Variants in SPIRE1 observed in about 807,000 individuals in gnomAD.
SPIRE1 encodes spire type actin nucleation factor 1, also known as protein spire homolog 1.
A neutral mutation model predicts 94.1 loss-of-function variants in SPIRE1; 40 were observed. The observed-to-expected ratio is 0.43, with a 90% CI of 0.33 to 0.55. The LOEUF (loss-of-function observed/expected upper bound fraction) is 0.55. SPIRE1 is among the 20% of genes least tolerant of loss of function. SPIRE1 has a pLI of 0.06. For synonymous variants in SPIRE1, 376 were observed against 371.7 expected (o/e 1.01, Z -0.13); for missense variants, 838 against 975.2 (o/e 0.86, Z 1.87).
intron 11 of SPIRE1, among the ~76,000 whole-genome samples, chr18:12,464,315 CT>C (rs1269417180): frequency 2.0e-5 from 3 of 152,098 alleles, no homozygotes; most frequent in African/African-American, 4.8e-5. Flanking sequence ...AATAAAACTA[CT>C]TAAAGAATTT....
At position 12,468,279 on chromosome 18, in the gene SPIRE1, G is replaced by A. The variant is rs116306135; in HGVS notation, c.1405-3321C>T. ...CATCTGTATCTGAAGAGGTGGAGCC[G>A]GAGCACACTACTGCAGCCCAGCACT... On this transcript the variant is annotated intron_variant, in intron 10 of 16. Coordinates refer to ENST00000409402, the MANE Select transcript of SPIRE1 (RefSeq NM_001128626.2). 2.5e-3 allele frequency among the ~76,000 whole-genome samples: 380 copies of A among 152,230 alleles called. 4 individuals are homozygous for A. The highest frequency in any genetic ancestry group is 8.8e-3 in the African/African-American group (364 of 41,528).
At chr18:12,615,345 A>AAAAAAAAAAT in intron 2 of SPIRE1, among the ~76,000 whole-genome samples, 22 of 17,240 alleles carry the variant, frequency 1.3e-3, no homozygotes, top group African/African-American at 2.5e-3. Context: ...AAAAAAAAAA[A>AAAAAAAAAAT]ATATATATAT....
At chr18:12,602,117 T>A (rs2036850953) in intron 2 of SPIRE1, among the ~76,000 whole-genome samples, 20 of 152,130 alleles carry the variant, frequency 1.3e-4, no homozygotes, top group Admixed American at 1.3e-3. Flanking sequence ...CATAGACATA[T>A]ATAGACATAT....
At chr18:12,515,680 T>C (rs1460282273) in intron 4 of SPIRE1, among the ~76,000 whole-genome samples, 2 of 152,186 alleles carry the variant, frequency 1.3e-5, no homozygotes, top group African/African-American at 4.8e-5. Flanking sequence ...TTAACCCTCC[T>C]CAGGAACTGC....
chr18:12,458,893 T>A (rs897543329), intron 12 of SPIRE1, among the ~76,000 whole-genome samples: 7 of 152,174 alleles, frequency 4.6e-5, no homozygotes, highest in Admixed American at 4.6e-4. Flanking sequence ...TTATTTACAT[T>A]GAGTCTCCTT....
intron 2 of SPIRE1, among the ~76,000 whole-genome samples, chr18:12,549,439 G>GGTTTTTTTTT (rs2035275774): frequency 9.7e-5 from 4 of 41,248 alleles, no homozygotes; most frequent in African/African-American, 1.2e-4. Context: ...TGTTATTGTT[G>GGTTTTTTTTT]TTTTTTTTTT....
intron 7 of SPIRE1, among the ~76,000 whole-genome samples, chr18:12,494,838 C>CAAAAAAAAA (rs71172091): frequency 3.1e-5 from 1 of 32,020 alleles, no homozygotes; most frequent in Non-Finnish European, 5.2e-5. Flanking sequence ...GACTCCATCT[C>CAAAAAAAAA]AAAAAAAAAA....
intron 10 of SPIRE1, among the ~76,000 whole-genome samples, chr18:12,478,279 G>A (rs551971711): frequency 1.3e-5 from 2 of 151,982 alleles, no homozygotes; most frequent in Admixed American, 6.6e-5. Flanking sequence ...GTGCATGTGT[G>A]TAGCTAGGGT....
upstream of SPIRE1, chr18:12,658,615 C>T: frequency 2.1e-6 from 1 of 470,512 alleles, no homozygotes; most frequent in South Asian, 1.6e-5. Flanking sequence ...TTGAACCCGC[C>T]TGGAGCGGAT....
intron 2 of SPIRE1, among the ~76,000 whole-genome samples, chr18:12,554,293 G>A (rs1353161826): frequency 2.9e-5 from 3 of 102,468 alleles, no homozygotes; most frequent in Non-Finnish European, 5.6e-5. Context: ...GCAAGACTCT[G>A]TTCAAAAAAA....
intron 2 of SPIRE1, among the ~76,000 whole-genome samples, chr18:12,598,414 T>C (rs945454597): frequency 3.3e-5 from 5 of 152,190 alleles, no homozygotes; most frequent in African/African-American, 1.2e-4. Context: ...TCTGGCAGTA[T>C]CTGTCCTAAC....
upstream of SPIRE1, among the ~76,000 whole-genome samples, chr18:12,661,127 G>A (rs908183704): frequency 2.0e-5 from 3 of 152,048 alleles, no homozygotes; most frequent in African/African-American, 4.8e-5. Context: ...GGCCAACATG[G>A]CAAAAACCTG....
chr18:12,535,704 C>A (rs187425948), intron 3 of SPIRE1, 103 bp from the exon 4 acceptor site: 4 of 1,097,176 alleles, frequency 3.6e-6, no homozygotes, highest in Non-Finnish European at 5.2e-6. Context: ...CGCCTGTAAT[C>A]CCAGCACTTT....
intron 4 of SPIRE1, among the ~76,000 whole-genome samples, chr18:12,513,944 A>G (rs1318530099): frequency 6.6e-6 from 1 of 152,184 alleles, no homozygotes; most frequent in Non-Finnish European, 1.5e-5. Flanking sequence ...CTGGGGCTCC[A>G]GTAATTCTCC....
chr18:12,508,685 T>C (rs557180934), intron 5 of SPIRE1, among the ~76,000 whole-genome samples: 79 of 152,184 alleles, frequency 5.2e-4, no homozygotes, highest in Middle Eastern at 6.8e-3. Flanking sequence ...GTTTTTTTTT[T>C]TTTTTGAGAC....
chr18:12,518,690 CAAAACAAAAACA>C lies in SPIRE1; in HGVS notation c.730-6171_730-6160del, dbSNP rs532892954. On this transcript the variant is annotated intron_variant, in intron 4 of 16. Coordinates refer to ENST00000409402, the MANE Select transcript of SPIRE1 (RefSeq NM_001128626.2). ...TAGGTGACAGAGCCTGACCCTGTCT[CAAAACAAAAACA>C]AAAACAAAAACAAAACAAAAAAAAA... 2.4e-3 allele frequency among the ~76,000 whole-genome samples: 350 copies of C among 148,284 alleles called. 2 individuals are homozygous for C. The highest frequency in any genetic ancestry group is 0.014 in the South Asian group (66 of 4,656).
At chr18:12,656,119 G>T (rs551239238) in intron 1 of SPIRE1, among the ~76,000 whole-genome samples, 1 of 152,040 alleles carries the variant, frequency 6.6e-6, no homozygotes, top group African/African-American at 2.4e-5. Flanking sequence ...GGCTGGTCTC[G>T]AACTCCTGAC....
intron 2 of SPIRE1, among the ~76,000 whole-genome samples, chr18:12,591,199 G>A (rs567455205): frequency 1.3e-5 from 2 of 152,336 alleles, no homozygotes; most frequent in Admixed American, 6.5e-5. Context: ...AATGGAAGGA[G>A]GTGAGAGGCT....
chr18:12,452,429 T>G (rs2031291487), intron 15 of SPIRE1, 38 bp from the exon 16 acceptor site: 1 of 1,614,042 alleles, frequency 6.2e-7, no homozygotes, highest in Non-Finnish European at 8.5e-7. Context: ...AGCAGTACCG[T>G]TAAAGAGGCA....
Sources: gnomAD v4.1 joint callset for allele counts (sites outside exome capture counted in the v4.1 genomes callset) on GRCh38, gnomAD v4.1.1 for gene constraint, MANE v1.5 for transcripts, NCBI Gene and HGNC (gene_info 2026-07-23, HGNC 2026-07-21) for gene names.